The following GGT5 variants were observed in gnomAD, a reference collection of about 807,000 sequenced individuals.
GGT5 encodes gamma-glutamyltransferase 5.
Under a neutral mutation model 58.1 loss-of-function variants are expected in GGT5, and 50 were observed. The observed-to-expected ratio is 0.86, with a 90% CI of 0.69 to 1.09. GGT5 has a LOEUF of 1.09. GGT5 is among the 50% of genes least tolerant of loss of function. GGT5 has a pLI of 0.00. For synonymous variants in GGT5, 370 were observed against 346.1 expected, an observed-to-expected ratio of 1.07 and a Z score of -0.77; for missense variants, 800 against 789.4, an observed-to-expected ratio of 1.01 and a Z score of -0.16.
chr22:24,234,210 T>G (rs1165703993), intron 1 of GGT5, among the ~76,000 whole-genome samples: 1 of 152,250 alleles, frequency 6.6e-6, no homozygotes, highest in Non-Finnish European at 1.5e-5. Flanking sequence ...TTGCAAAGTG[T>G]GATGCCATTT....
intron 1 of GGT5, among the ~76,000 whole-genome samples, chr22:24,238,908 A>T (rs1264094037): frequency 3.8e-4 from 8 of 21,060 alleles, no homozygotes; most frequent in Non-Finnish European, 5.2e-4. Context: ...TATATATATT[A>T]TATATATTAT....
At chr22:24,229,878 C>A (rs2047888452) in intron 6 of GGT5, among the ~76,000 whole-genome samples, 3 of 150,768 alleles carry the variant, frequency 2.0e-5, no homozygotes, top group Non-Finnish European at 1.5e-5. Flanking sequence ...AAAAAGAAAT[C>A]ACCACTAAAT....
Position 24,232,208 on chromosome 22 carries a change from G to C in GGT5, c.597C>G (p.Arg199=). The C allele has an allele frequency of 6.8e-7, 1 of 1,462,450 alleles. No homozygotes were observed. Among genetic ancestry groups the C allele is most frequent in the Non-Finnish European group, 9.2e-7 (1 of 1,089,708 alleles). 90.6% of individuals were successfully genotyped at this position (1,462,450 alleles called of 1,614,324 possible). A position where few individuals can be genotyped will look rare whatever the true frequency, so the allele number is the denominator to read the frequency against. ...LRPSLQASTL[R]QLFFNGTEPL... ...GTTCTGTCCCGTTGAAGAAGAGCTG[G>C]CTGGGGGGTGGGGGGAGCCTCAGGG... is the stretch of plus-strand genomic sequence containing the variant. The change falls in exon 5 of 12, where the codon CGC becomes CGG. Residue 199 remains arginine, a splice_region_variant and synonymous_variant. Transcript: ENST00000327365.
chr22:24,227,169 T>C (rs9608255), intron 6 of GGT5, among the ~76,000 whole-genome samples: 48,156 of 150,232 alleles, frequency 0.32, 7,768 homozygotes, highest in African/African-American at 0.38. Flanking sequence ...AGGCTGGTAT[T>C]GAACTCCTGG....
Position 24,226,283 on chromosome 22 carries a change from G to T in GGT5, c.1039-17C>A. 1 of 1,579,768 alleles carries T rather than the reference G, an allele frequency of 6.3e-7. No homozygotes were observed. The highest frequency in any genetic ancestry group is 8.6e-7 in the Non-Finnish European group (1 of 1,164,866). On this transcript the variant is annotated splice_polypyrimidine_tract_variant and intron_variant, in intron 7 of 11. Coordinates refer to ENST00000327365, the MANE Select transcript of GGT5 (RefSeq NM_004121.5). ...GGAGGCATTCTGGGGTGGGTGGGCA[G>T]GTGGCAGGGTCAGTGAGGGGCCAGG...
rs2048226787 is a variant in GGT5, at chr22:24,238,888, ATTTTATATAT to A, written c.174-4894_174-4885del. On this transcript the variant is annotated intron_variant, in intron 1 of 11. Transcript: ENST00000327365. ...ATAATATATATAATATATATTATAT[ATTTTATATAT>A]ATATATATTATATATATTATATATA... Among the ~76,000 whole-genome samples the A allele has an allele frequency of 4.8e-4, 7 of 14,636 alleles. 1 individual carries two copies. The highest frequency in any genetic ancestry group is 1.5e-3 in the African/African-American group (7 of 4,604). 9.6% of individuals were successfully genotyped at this position (14,636 alleles called of 152,430 possible).
rs768531092 is a variant in GGT5 at position 24,232,783 on chromosome 22, C to A, written c.596+40G>T. 7 of 1,406,512 alleles carry A rather than the reference C, an allele frequency of 5.0e-6. No individual in the cohort carries two copies. In the African/African-American group the frequency reaches 8.7e-5, roughly 17 times the overall value. 87.1% of individuals were successfully genotyped at this position (1,406,512 alleles called of 1,614,324 possible). Reference sequence around the variant, plus strand: ...TGGACTGGGCCCAGACAGGATATGGCCTTGAACCCAGGAACCCAGGGCCAC... The same window carrying A: ...TGGACTGGGCCCAGACAGGATATGGACTTGAACCCAGGAACCCAGGGCCAC... On this transcript the variant is annotated intron_variant, in intron 4 of 11. Coordinates refer to ENST00000327365, the MANE Select transcript of GGT5 (RefSeq NM_004121.5).
chr22:24,235,353 C>T (rs112624947), intron 1 of GGT5, among the ~76,000 whole-genome samples: 6,372 of 152,290 alleles, frequency 0.042, 256 homozygotes, highest in African/African-American at 0.11. Flanking sequence ...CCACTGTGCC[C>T]GGCCAGAAGC....
intron 1 of GGT5, 100 bp downstream of exon 1, chr22:24,244,453 C>A (rs142884101): frequency 6.8e-6 from 7 of 1,021,898 alleles, no homozygotes; most frequent in Non-Finnish European, 1.1e-5. Flanking sequence ...CACACACACA[C>A]CCACACATAC....
intron 6 of GGT5, 42 bp downstream of exon 6, chr22:24,231,342 G>A (rs767172565): frequency 1.6e-5 from 23 of 1,425,252 alleles, no homozygotes; most frequent in African/African-American, 2.8e-5. Context: ...CCGGGGGTGC[G>A]GGGGAGGGGG....
intron 1 of GGT5, 48 bp from the exon 2 acceptor site, chr22:24,234,052 T>G: frequency 1.3e-6 from 2 of 1,552,932 alleles, no homozygotes; most frequent in Non-Finnish European, 1.7e-6. Flanking sequence ...TCCCCCTGCC[T>G]CCCCACCAGG....
chr22:24,239,255 C>T (rs1367004007), intron 1 of GGT5, among the ~76,000 whole-genome samples: 1 of 151,180 alleles, frequency 6.6e-6, no homozygotes, highest in South Asian at 2.1e-4. Context: ...AGGAGAATGG[C>T]GTGAACCCAG....
rs538186440 is a variant in GGT5, at chr22:24,238,303, G to C, written c.174-4299C>G. ...TCAGCACTTTGGGAGGCCAAGGCAG[G>C]CAAATTGCTTGAGGTCAGGAGTTTG... On this transcript the variant is annotated intron_variant, in intron 1 of 11. Transcript: ENST00000327365. 5.3e-5 allele frequency among the ~76,000 whole-genome samples: 8 copies of C among 151,730 alleles called. No individual in the cohort carries two copies. In the South Asian group the frequency reaches 1.7e-3, roughly 32 times the overall value.
chr22:24,244,687 C>G lies in GGT5; in HGVS notation c.39G>C (p.Leu13=), dbSNP rs554785853. 2.8e-5 allele frequency: 45 copies of G among 1,612,658 alleles called. No individual in the cohort carries two copies. In the South Asian group the frequency reaches 4.5e-4, roughly 16 times the overall value. ...RGYGATVSLV[L]LGLGLALAVI... Reference sequence around the variant, plus strand: ...CAGCCAGCGCCAGCCCCAGACCCAGCAGGACTAGGCTGACCGTGGCCCCGT... The same window carrying G: ...CAGCCAGCGCCAGCCCCAGACCCAGGAGGACTAGGCTGACCGTGGCCCCGT... Residue 13 remains leucine, a synonymous_variant, in exon 1 of 12, where the codon CTG becomes CTC. Coordinates refer to ENST00000327365, the MANE Select transcript of GGT5 (RefSeq NM_004121.5).
chr22:24,225,149 G>A (rs1276785641), intron 10 of GGT5, 43 bp from the exon 11 acceptor site: 2 of 1,571,644 alleles, frequency 1.3e-6, no homozygotes, highest in East Asian at 4.5e-5. Context: ...GGGGCACCCT[G>A]CTACCCTACA....
intron 11 of GGT5, among the ~76,000 whole-genome samples, chr22:24,222,913 T>TG (rs2047639999): frequency 6.6e-6 from 1 of 151,030 alleles, no homozygotes; most frequent in Non-Finnish European, 1.5e-5. Flanking sequence ...CTGTCTCTAC[T>TG]AAAAATACAA....
At chr22:24,238,933 TTA>T (rs1315808254) in intron 1 of GGT5, among the ~76,000 whole-genome samples, 3 of 20,418 alleles carry the variant, frequency 1.5e-4, no homozygotes, top group East Asian at 1.5e-3. Flanking sequence ...ATAATATATA[TTA>T]TATAATATAT....
In GGT5 at chr22:24,231,124, G is replaced by C. The variant is rs186827344; in HGVS notation, c.901+260C>G. Among the ~76,000 whole-genome samples, 27 of 152,356 alleles carry C rather than the reference G, an allele frequency of 1.8e-4. No homozygotes were observed. In the South Asian group the frequency reaches 3.5e-3, roughly 20 times the overall value. ...TTCTGTGTCTGGGACTGGTCACCCAGTGGGAGGAGGACTCTGGACGAATGA... is the reference window on the plus strand; with the variant it reads ...TTCTGTGTCTGGGACTGGTCACCCACTGGGAGGAGGACTCTGGACGAATGA... On this transcript the variant is annotated intron_variant, in intron 6 of 11. Coordinates refer to ENST00000327365, the MANE Select transcript of GGT5 (RefSeq NM_004121.5).
At position 24,233,502 on chromosome 22, in the gene GGT5, G is replaced by A. The variant is rs1569365425; in HGVS notation, c.396C>T (p.Gly132=). ...GGGACCTCCATGGGGCGTCACCTGT[G>A]CCCAGTGGCAGAGCCTGTGCACACT... ...LDQCAQALPL[G]TGAQWIGVPG... is the part of the protein sequence containing the mutation. The change falls in exon 3 of 12, where the codon GGC becomes GGT. Residue 132 remains glycine (G), a synonymous_variant. Transcript: ENST00000327365. The A allele has an allele frequency of 1.3e-6, 2 of 1,591,336 alleles. No individual in the cohort carries two copies. The highest frequency in any genetic ancestry group is 3.4e-5 in the Admixed American group (2 of 58,724).
Sources: allele counts gnomAD v4.1 joint callset (sites outside exome capture counted in the v4.1 genomes callset), GRCh38; gene constraint gnomAD v4.1.1; transcripts MANE v1.5; gene names NCBI Gene and HGNC (gene_info 2026-07-23, HGNC 2026-07-21).